RBFOX1: variants seen among roughly 807,000 people sequenced by gnomAD.
RBFOX1 encodes RNA binding protein fox-1 homolog 1.
A neutral mutation model predicts 57.7 loss-of-function variants in RBFOX1; 8 were observed. That is an observed-to-expected ratio of 0.14 (90% confidence interval 0.08 to 0.25). RBFOX1 has a LOEUF of 0.25. Ranked by LOEUF, RBFOX1 falls within the 10% of genes least tolerant of loss-of-function variation. RBFOX1 has a pLI of 1.00. For missense variants in RBFOX1, 611 were observed against 548.5 expected (o/e 1.11, Z -1.14); for synonymous variants, 326 against 222.4 (o/e 1.47, Z -4.15).
chr16:6,545,356 C>A (rs372775088), intron 2 of RBFOX1, among the ~76,000 whole-genome samples: 1 of 152,136 alleles, frequency 6.6e-6, no homozygotes, highest in South Asian at 2.1e-4. Flanking sequence ...GCCTGTAATC[C>A]CAGTTTCATC....
At chr16:5,731,842 C>G (rs2052384078) in intron 3 of RBFOX1, among the ~76,000 whole-genome samples, 1 of 152,080 alleles carries the variant, frequency 6.6e-6, no homozygotes, top group Non-Finnish European at 1.5e-5. Context: ...TCTTTCTATC[C>G]ACTGCAAGAA....
intron 1 of RBFOX1, among the ~76,000 whole-genome samples, chr16:5,443,920 C>T (rs985272216): frequency 6.6e-6 from 1 of 152,096 alleles, no homozygotes. Flanking sequence ...GATTTTCCAC[C>T]TTGAGGAGCT....
intron 3 of RBFOX1, among the ~76,000 whole-genome samples, chr16:6,706,694 A>G (rs1330157071): frequency 1.4e-5 from 2 of 144,650 alleles, no homozygotes; most frequent in African/African-American, 2.6e-5. Flanking sequence ...AGTTGTTCTA[A>G]TGGCTACAGC....
At chr16:6,166,689 C>T (rs1371789288) in intron 1 of RBFOX1, among the ~76,000 whole-genome samples, 1 of 152,122 alleles carries the variant, frequency 6.6e-6, no homozygotes, top group Non-Finnish European at 1.5e-5. Flanking sequence ...GTATCATAAG[C>T]CCACTTTCAC....
At chr16:6,854,700 T>C (rs2057490622) in intron 3 of RBFOX1, among the ~76,000 whole-genome samples, 1 of 148,886 alleles carries the variant, frequency 6.7e-6, no homozygotes, top group South Asian at 2.2e-4. Context: ...GTTCAAGTCG[T>C]TCTCCTGCGT....
At position 7,273,216 on chromosome 16, in the gene RBFOX1, T is replaced by C. The variant is rs1285864042; in HGVS notation, c.27+221118T>C. On this transcript the variant is annotated intron_variant, in intron 4 of 15. Coordinates refer to ENST00000550418, the MANE Select transcript of RBFOX1 (RefSeq NM_018723.4). ...TTCCTTCCTCCCTCCCTTCCTTCCTTCCTTCCTTCCTTCCTTCCTTCCTTC... is the reference window on the plus strand; with the variant it reads ...TTCCTTCCTCCCTCCCTTCCTTCCTCCCTTCCTTCCTTCCTTCCTTCCTTC... Among the ~76,000 whole-genome samples the C allele has an allele frequency of 9.4e-4, 99 of 105,448 alleles. 2 individuals carry two copies. Among genetic ancestry groups the C allele is most frequent in the African/African-American group, 1.8e-3 (44 of 24,184 alleles). 69.2% of individuals were successfully genotyped at this position (105,448 alleles called of 152,430 possible). A position where few individuals can be genotyped will look rare whatever the true frequency, so the allele number is the denominator to read the frequency against.
chr16:5,316,479 T>C (rs2064242151), intron 1 of RBFOX1, among the ~76,000 whole-genome samples: 1 of 152,144 alleles, frequency 6.6e-6, no homozygotes, highest in African/African-American at 2.4e-5. Flanking sequence ...CTCTCCTCCA[T>C]TGCTATGAGA....
intron 1 of RBFOX1, among the ~76,000 whole-genome samples, chr16:5,336,666 A>G (rs754125923): frequency 6.6e-6 from 1 of 152,164 alleles, no homozygotes; most frequent in African/African-American, 2.4e-5. Flanking sequence ...GTGATGACCC[A>G]TTCATGAAGC....
chr16:6,487,684 AAAAAAAAAAAAAAAAAATATAT>A (rs1300395265), intron 2 of RBFOX1, among the ~76,000 whole-genome samples: 5 of 19,332 alleles, frequency 2.6e-4, no homozygotes, highest in African/African-American at 3.7e-4. Flanking sequence ...AAAAAAAAAA[AAAAAAAAAAAAAAAAAATATAT>A]ATATATATAT....
chr16:7,236,575 C>T (rs913247552), intron 4 of RBFOX1, among the ~76,000 whole-genome samples: 5 of 152,172 alleles, frequency 3.3e-5, no homozygotes, highest in Admixed American at 1.3e-4. Context: ...GAACTGATAT[C>T]TCTAAGTTGA....
intron 3 of RBFOX1, among the ~76,000 whole-genome samples, chr16:7,034,839 T>TTTTA (rs2043852281): frequency 1.3e-5 from 1 of 77,510 alleles, no homozygotes; most frequent in African/African-American, 5.5e-5. Flanking sequence ...TTTTTTTTTT[T>TTTTA]TCTTTTTTCT....
Position 7,239,152 on chromosome 16 carries a change from C to G in RBFOX1, c.27+187054C>G, listed in dbSNP as rs376170388. Among the ~76,000 whole-genome samples the G allele has an allele frequency of 7.2e-5, 11 of 152,200 alleles. No individual in the cohort carries two copies. The South Asian group carries it at 2.3e-3, about 32-fold the overall frequency. Reference sequence around the variant, plus strand: ...ATTTTCTCCTTTGCCTTTCCTAAACCATGCAGTTTGATATATGATGAGGCT... The same window carrying G: ...ATTTTCTCCTTTGCCTTTCCTAAACGATGCAGTTTGATATATGATGAGGCT... On this transcript the variant is annotated intron_variant, in intron 4 of 15. Coordinates refer to ENST00000550418, the MANE Select transcript of RBFOX1 (RefSeq NM_018723.4).
intron 3 of RBFOX1, among the ~76,000 whole-genome samples, chr16:6,859,247 TCTGA>T (rs1292005207): frequency 4.1e-5 from 6 of 145,644 alleles, no homozygotes; most frequent in South Asian, 4.4e-4. Context: ...AGAACATGAT[TCTGA>T]CTCTTTATAA....
chr16:6,503,008 T>A (rs2908774), intron 2 of RBFOX1, among the ~76,000 whole-genome samples: 104,785 of 151,992 alleles, frequency 0.69, 37,871 homozygotes, highest in Non-Finnish European at 0.78. Flanking sequence ...TATAGATAGA[T>A]AAATGGGGAA....
chr16:7,188,228 T>C (rs1327551878), intron 4 of RBFOX1, among the ~76,000 whole-genome samples: 1 of 152,234 alleles, frequency 6.6e-6, no homozygotes, highest in East Asian at 1.9e-4. Flanking sequence ...GCATTCTGCA[T>C]AGGCTTCTTG....
intron 3 of RBFOX1, among the ~76,000 whole-genome samples, chr16:5,825,488 A>G (rs9788897): frequency 0.48 from 72,609 of 152,126 alleles, 17,717 homozygotes; most frequent in East Asian, 0.64. Context: ...GAATTTGTGG[A>G]TCAAATTTAG....
intron 1 of RBFOX1, among the ~76,000 whole-genome samples, chr16:5,309,578 G>T (rs972673350): frequency 6.6e-6 from 1 of 152,138 alleles, no homozygotes; most frequent in East Asian, 1.9e-4. Flanking sequence ...TTGCATAGCG[G>T]TGAAGTGTGG....
intron 3 of RBFOX1, among the ~76,000 whole-genome samples, chr16:6,969,066 G>A (rs991025174): frequency 6.6e-6 from 1 of 152,094 alleles, no homozygotes. Flanking sequence ...TCCGAGAGGT[G>A]TCAAGAGCAC....
intron 3 of RBFOX1, among the ~76,000 whole-genome samples, chr16:6,762,657 A>C (rs1198286270): frequency 2.0e-5 from 3 of 152,208 alleles, no homozygotes; most frequent in Non-Finnish European, 4.4e-5. Context: ...GAAGAACTCC[A>C]TTAAACTTGG....
Sources: allele counts gnomAD v4.1 joint callset (sites outside exome capture counted in the v4.1 genomes callset), GRCh38; gene constraint gnomAD v4.1.1; transcripts MANE v1.5; gene names NCBI Gene and HGNC (gene_info 2026-07-23, HGNC 2026-07-21).